The following KIAA1328 variants were observed in gnomAD, a reference collection of about 807,000 sequenced individuals.
KIAA1328 encodes the protein KIAA1328, also known as protein hinderin.
KIAA1328 carries 52 observed loss-of-function variants against 68.1 expected under a neutral mutation model. That is an observed-to-expected ratio of 0.76 (90% confidence interval 0.61 to 0.96). The LOEUF (loss-of-function observed/expected upper bound fraction) is 0.96. KIAA1328 is among the 40% of genes least tolerant of loss of function. The pLI is 0.00. For missense variants in KIAA1328, 641 were observed against 677.6 expected (o/e 0.95, Z 0.60); for synonymous variants, 232 against 239.4 (o/e 0.97, Z 0.28).
At chr18:37,183,986 G>A (rs2059746204) in intron 9 of KIAA1328, among the ~76,000 whole-genome samples, 1 of 152,204 alleles carries the variant, frequency 6.6e-6, no homozygotes, top group Admixed American at 6.5e-5. Context: ...TTATGAGCAT[G>A]AGTACTTTTT....
intron 5 of KIAA1328, among the ~76,000 whole-genome samples, chr18:36,958,778 G>C (rs1251507350): frequency 1.3e-5 from 2 of 151,596 alleles, no homozygotes; most frequent in Admixed American, 6.6e-5. Context: ...CTCATTCAGG[G>C]GGTTGTTTTT....
intron 7 of KIAA1328, among the ~76,000 whole-genome samples, chr18:37,091,555 TC>T (rs2057268030): frequency 6.6e-6 from 1 of 152,144 alleles, no homozygotes; most frequent in Non-Finnish European, 1.5e-5. Context: ...ACAGCATTGT[TC>T]CATCAAGAGA....
intron 6 of KIAA1328, among the ~76,000 whole-genome samples, chr18:37,061,409 G>T (rs1418475419): frequency 6.6e-6 from 1 of 152,240 alleles, no homozygotes; most frequent in African/African-American, 2.4e-5. Context: ...CTAGGTGATG[G>T]TTACACAGAT....
At chr18:37,082,858 A>T (rs2056993027) in intron 7 of KIAA1328, among the ~76,000 whole-genome samples, 3 of 152,216 alleles carry the variant, frequency 2.0e-5, no homozygotes, top group Non-Finnish European at 4.4e-5. Context: ...AAAGTAGTGT[A>T]TGTATAATGA....
chr18:37,057,672 T>C (rs1054714850), intron 6 of KIAA1328, among the ~76,000 whole-genome samples: 5 of 151,946 alleles, frequency 3.3e-5, no homozygotes, highest in Non-Finnish European at 7.4e-5. Flanking sequence ...CCTGACCTCG[T>C]GATCCACCTG....
At chr18:37,226,380 G>C (rs374284808), downstream of KIAA1328, among the ~76,000 whole-genome samples, 1 of 151,792 alleles carries the variant, frequency 6.6e-6, no homozygotes, top group African/African-American at 2.4e-5. Flanking sequence ...TATATTCACA[G>C]AGTTGCCTCC....
intron 7 of KIAA1328, among the ~76,000 whole-genome samples, chr18:37,103,327 A>C (rs1207693926): frequency 6.6e-6 from 1 of 152,204 alleles, no homozygotes; most frequent in Non-Finnish European, 1.5e-5. Flanking sequence ...AGTGGAATAG[A>C]ATGGAGAACC....
chr18:36,877,444 G>T (rs1049046532), intron 4 of KIAA1328, among the ~76,000 whole-genome samples: 3 of 150,628 alleles, frequency 2.0e-5, no homozygotes, highest in South Asian at 2.1e-4. Context: ...CGTCTTTTTT[G>T]ATCTTTGTTG....
chr18:36,966,611 G>A (rs1039497652), intron 6 of KIAA1328, among the ~76,000 whole-genome samples: 1 of 152,072 alleles, frequency 6.6e-6, no homozygotes, highest in Non-Finnish European at 1.5e-5. Context: ...AAAAGGTGAT[G>A]GAACTAATAA....
chr18:36,984,999 A>G (rs768775735), intron 6 of KIAA1328, among the ~76,000 whole-genome samples: 11 of 152,012 alleles, frequency 7.2e-5, no homozygotes, highest in Non-Finnish European at 1.2e-4. Context: ...TCTCCAAAGT[A>G]ATCTAAATGT....
intron 7 of KIAA1328, among the ~76,000 whole-genome samples, chr18:37,121,588 T>G (rs2058273481): frequency 6.6e-6 from 1 of 152,154 alleles, no homozygotes; most frequent in Non-Finnish European, 1.5e-5. Context: ...TATAGGATCA[T>G]GTCCTCAGAC....
At chr18:36,980,366 G>T (rs1323182606) in intron 6 of KIAA1328, among the ~76,000 whole-genome samples, 1 of 152,124 alleles carries the variant, frequency 6.6e-6, no homozygotes, top group Non-Finnish European at 1.5e-5. Context: ...AGATATACTG[G>T]TGGGGCTGGT....
intron 9 of KIAA1328, among the ~76,000 whole-genome samples, chr18:37,199,318 G>C (rs2060063597): frequency 6.6e-6 from 1 of 152,034 alleles, no homozygotes; most frequent in Admixed American, 6.6e-5. Flanking sequence ...TTACCGTTTA[G>C]CTCCCACTTA....
intron 6 of KIAA1328, among the ~76,000 whole-genome samples, chr18:36,970,801 G>C (rs1361246549): frequency 1.3e-5 from 2 of 152,028 alleles, no homozygotes; most frequent in East Asian, 3.9e-4. Flanking sequence ...AAATAAGAGA[G>C]GACACAAAGA....
chr18:37,021,445 G>A (rs2054342905), intron 6 of KIAA1328, among the ~76,000 whole-genome samples: 1 of 152,096 alleles, frequency 6.6e-6, no homozygotes, highest in Admixed American at 6.5e-5. Context: ...TTCTTATAAT[G>A]AAACCTATTG....
chr18:37,191,860 G>T (rs977672752), intron 9 of KIAA1328, among the ~76,000 whole-genome samples: 9 of 152,136 alleles, frequency 5.9e-5, no homozygotes, highest in Admixed American at 4.6e-4. Flanking sequence ...TGAGGTCTTT[G>T]TGTATTCACT....
intron 7 of KIAA1328, among the ~76,000 whole-genome samples, chr18:37,150,148 A>G (rs2058995722): frequency 6.6e-6 from 1 of 152,182 alleles, no homozygotes; most frequent in African/African-American, 2.4e-5. Flanking sequence ...CACACCCATC[A>G]AAACTTCACT....
intron 9 of KIAA1328, among the ~76,000 whole-genome samples, chr18:37,196,945 A>G (rs1023943377): frequency 6.6e-5 from 10 of 152,044 alleles, no homozygotes; most frequent in Non-Finnish European, 1.3e-4. Context: ...AAGCCATATA[A>G]ATATGGCTTC....
chr18:36,919,724 C>T (rs1598713172), intron 5 of KIAA1328, among the ~76,000 whole-genome samples: 1 of 152,178 alleles, frequency 6.6e-6, no homozygotes, highest in African/African-American at 2.4e-5. Flanking sequence ...TCCACAACCT[C>T]ACCAACATCT....
Sources: allele counts gnomAD v4.1 joint callset (sites outside exome capture counted in the v4.1 genomes callset), GRCh38; gene constraint gnomAD v4.1.1; transcripts MANE v1.5; gene names NCBI Gene and HGNC (gene_info 2026-07-23, HGNC 2026-07-21).